Variants in TBXA2R observed in about 807,000 individuals in gnomAD.
TBXA2R encodes prostanoid TP receptor.
In TBXA2R, 15 loss-of-function variants were observed where a neutral mutation model predicts 15.6. The ratio of observed to expected loss-of-function variants is 0.96; its 90% CI spans 0.64 to 1.48. The LOEUF is 1.48. Ranked by LOEUF, TBXA2R falls within the 40% of genes most tolerant of loss-of-function variation. TBXA2R has a pLI of 0.00. For missense variants in TBXA2R, 506 were observed against 491.4 expected, an observed-to-expected ratio of 1.03 and a Z score of -0.28; for synonymous variants, 280 against 241.2, an observed-to-expected ratio of 1.16 and a Z score of -1.49.
In TBXA2R at chr19:3,600,205, C is replaced by G; in HGVS notation, c.430G>C (p.Ala144Pro). 6.2e-7 allele frequency: 1 copy of G among 1,600,194 alleles called. No homozygotes were observed. The highest frequency in any genetic ancestry group is 8.5e-7 in the Non-Finnish European group (1 of 1,174,470). The change falls in exon 2 of 3, where the codon GCC becomes CCC. Residue 144 changes from alanine (A) to proline (P), a missense_variant. Coordinates refer to ENST00000375190, the MANE Select transcript of TBXA2R (RefSeq NM_001060.6). Reference sequence around the variant, plus strand: ...GTGGCCCAGGCGCGGCGCTGCGAGGCGACCGCCGGGCGCGAGAAGGGCCGG... The same window carrying G: ...GTGGCCCAGGCGCGGCGCTGCGAGGGGACCGCCGGGCGCGAGAAGGGCCGG... Reference protein sequence around the residue: ...ITRPFSRPAVASQRRAWATVG... With the variant: ...ITRPFSRPAVPSQRRAWATVG...
intron 1 of TBXA2R, among the ~76,000 whole-genome samples, chr19:3,602,124 G>A (rs1178186637): frequency 6.6e-6 from 1 of 152,140 alleles, no homozygotes; most frequent in Non-Finnish European, 1.5e-5. Flanking sequence ...GGGAGGCTGA[G>A]GCAGGAGAAT....
chr19:3,600,787 T>C lies in TBXA2R; in HGVS notation c.-83-70A>G, dbSNP rs959223415. On this transcript the variant is annotated intron_variant, in intron 1 of 2. Coordinates refer to ENST00000375190, the MANE Select transcript of TBXA2R (RefSeq NM_001060.6). ...AGTGTAAGTAGCTCTGGTGAACTCCTACACAACCTTCAATGCCCCAGCTCA... is the reference window on the plus strand; with the variant it reads ...AGTGTAAGTAGCTCTGGTGAACTCCCACACAACCTTCAATGCCCCAGCTCA... 4 of 725,272 alleles carry C rather than the reference T, an allele frequency of 5.5e-6. No individual in the cohort carries two copies. The African/African-American group carries it at 7.3e-5, about 13-fold the overall frequency. 44.9% of individuals were successfully genotyped at this position (725,272 alleles called of 1,614,324 possible).
intron 2 of TBXA2R, among the ~76,000 whole-genome samples, chr19:3,597,758 C>T (rs1032363671): frequency 1.3e-5 from 2 of 151,890 alleles, no homozygotes; most frequent in Non-Finnish European, 2.9e-5. Context: ...CGATGAAACC[C>T]CGTCTCTACT....
chr19:3,606,082 G>A (rs1407326956), intron 1 of TBXA2R, among the ~76,000 whole-genome samples: 1 of 151,598 alleles, frequency 6.6e-6, no homozygotes, highest in African/African-American at 2.4e-5. Flanking sequence ...ACAAACACAC[G>A]GTCACACACA....
At chr19:3,601,141 G>A (rs1260423489) in intron 1 of TBXA2R, among the ~76,000 whole-genome samples, 2 of 152,002 alleles carry the variant, frequency 1.3e-5, no homozygotes, top group East Asian at 1.9e-4. Context: ...ACACTTCTTC[G>A]GAATGGCAGG....
Position 3,595,619 on chromosome 19 carries a change from A to C in TBXA2R, c.*69T>G. 4 of 1,495,626 alleles carry C rather than the reference A, an allele frequency of 2.7e-6. No individual in the cohort carries two copies. The highest frequency in any genetic ancestry group is 3.6e-6 in the Non-Finnish European group (4 of 1,117,350). 92.6% of individuals were successfully genotyped at this position (1,495,626 alleles called of 1,614,324 possible). A position where few individuals can be genotyped will look rare whatever the true frequency, so the allele number is the denominator to read the frequency against. On this transcript the variant is annotated 3_prime_UTR_variant, in exon 3 of 3. Transcript: ENST00000375190. ...CCCCCAGCCCCTGAATCCTCAGAAC[A>C]GGCAGATGGGCTGTCCGAGGGGCCA...
Position 3,595,499 on chromosome 19 carries a change from T to C in TBXA2R, c.*189A>G. ...GAAAAAGGGGCCGAGGAAGGGAGAG[T>C]GCTTGGTAAAAGGATCAGGGAGGAG... is the stretch of plus-strand genomic sequence containing the variant. On this transcript the variant is annotated 3_prime_UTR_variant, in exon 3 of 3. Coordinates refer to ENST00000375190, the MANE Select transcript of TBXA2R (RefSeq NM_001060.6). 1 of 1,413,572 alleles carries C rather than the reference T, an allele frequency of 7.1e-7. No individual in the cohort carries two copies. The highest frequency in any genetic ancestry group is 9.2e-7 in the Non-Finnish European group (1 of 1,088,190). 87.6% of individuals were successfully genotyped at this position (1,413,572 alleles called of 1,614,324 possible).
Position 3,595,633 on chromosome 19 carries a change from T to G in TBXA2R, c.*55A>C, listed in dbSNP as rs766386061. 5.2e-5 allele frequency: 79 copies of G among 1,511,920 alleles called. No homozygotes were observed. In the African/African-American group the frequency reaches 9.9e-4, roughly 19 times the overall value. The allele number at this position is 1,511,920 out of a possible 1,614,324, so 93.7% of individuals were successfully genotyped here. On this transcript the variant is annotated 3_prime_UTR_variant, in exon 3 of 3. Coordinates refer to ENST00000375190, the MANE Select transcript of TBXA2R (RefSeq NM_001060.6). The stretch of plus-strand genomic sequence containing the variant: ...ATCCTCAGAACAGGCAGATGGGCTG[T>G]CCGAGGGGCCAAGGGCTCCGCGGAA...
chr19:3,599,399 T>G (rs1361494063), intron 2 of TBXA2R, among the ~76,000 whole-genome samples: 13 of 151,624 alleles, frequency 8.6e-5, no homozygotes, highest in Admixed American at 7.9e-4. Flanking sequence ...GCGCAATCTC[T>G]GCTCACTGCA....
At chr19:3,597,655 G>A (rs953651389) in intron 2 of TBXA2R, among the ~76,000 whole-genome samples, 1 of 151,608 alleles carries the variant, frequency 6.6e-6, no homozygotes, top group Non-Finnish European at 1.5e-5. Flanking sequence ...TAATTTGGCC[G>A]GGTGCGGTGG....
rs1281935857 is a variant in TBXA2R at position 3,599,747 on chromosome 19, G to A, written c.786+102C>T. The A allele has an allele frequency of 8.6e-6, 13 of 1,511,002 alleles. No individual in the cohort carries two copies. In the East Asian group the frequency reaches 1.2e-4, roughly 14 times the overall value. The allele number at this position is 1,511,002 out of a possible 1,614,324, so 93.6% of individuals were successfully genotyped here. The stretch of plus-strand genomic sequence containing the variant: ...CTCCCAGAGTTCTGGGATTACCGGC[G>A]TGAGCCACCGCGCCCGGTCCCACCA... On this transcript the variant is annotated intron_variant, in intron 2 of 2. Coordinates refer to ENST00000375190, the MANE Select transcript of TBXA2R (RefSeq NM_001060.6).
In TBXA2R at chr19:3,595,641, G is replaced by A; in HGVS notation, c.*47C>T. On this transcript the variant is annotated 3_prime_UTR_variant, in exon 3 of 3. Transcript: ENST00000375190. The stretch of plus-strand genomic sequence containing the variant: ...AACAGGCAGATGGGCTGTCCGAGGG[G>A]CCAAGGGCTCCGCGGAAAGGCGCGG... The A allele has an allele frequency of 3.3e-6, 5 of 1,525,842 alleles. No homozygotes were observed. The highest frequency in any genetic ancestry group is 4.4e-6 in the Non-Finnish European group (5 of 1,132,072). The allele number at this position is 1,525,842 out of a possible 1,614,324, so 94.5% of individuals were successfully genotyped here.
intron 1 of TBXA2R, among the ~76,000 whole-genome samples, chr19:3,604,540 C>A (rs1434242034): frequency 6.6e-6 from 1 of 152,156 alleles, no homozygotes; most frequent in Non-Finnish European, 1.5e-5. Context: ...CAAGTCCCCT[C>A]TCCTCAGCAC....
Position 3,600,143 on chromosome 19 carries a change from G to A in TBXA2R, c.492C>T (p.Gly164=), listed in dbSNP as rs199654283. ...GLVWAAALAL[G]LLPLLGVGRY... ...GACCCACGCCCAGCAGGGGCAGCAG[G>A]CCCAGCGCCAGCGCGGCCGCCCACA... Residue 164 remains glycine (G), a synonymous_variant, in exon 2 of 3, where the codon GGC becomes GGT. Transcript: ENST00000375190. The A allele has an allele frequency of 1.6e-4, 251 of 1,609,094 alleles. 1 individual carries two copies. In the African/African-American group the frequency reaches 1.8e-3, roughly 11 times the overall value.
intron 2 of TBXA2R, among the ~76,000 whole-genome samples, chr19:3,599,176 G>A (rs1599871839): frequency 6.6e-6 from 1 of 151,516 alleles, no homozygotes; most frequent in Non-Finnish European, 1.5e-5. Flanking sequence ...TAATTTGGAG[G>A]CAGGGTCTCA....
rs199702743 is a variant in TBXA2R, at chr19:3,594,928, T to A, written c.*760A>T. On this transcript the variant is annotated 3_prime_UTR_variant, in exon 3 of 3. Transcript: ENST00000375190. ...AGGTCAAATTCAGGGTCAAAGAGCA[T>A]GCAAGGCCGGGCGCAGTGGCTTACG... The A allele has an allele frequency of 2.6e-6, 4 of 1,536,436 alleles. No homozygotes were observed. In the South Asian group the frequency reaches 4.8e-5, roughly 18 times the overall value.
intron 1 of TBXA2R, among the ~76,000 whole-genome samples, chr19:3,606,238 C>T (rs1469298274): frequency 6.6e-6 from 1 of 152,232 alleles, no homozygotes; most frequent in Non-Finnish European, 1.5e-5. Context: ...GGCTGCAGCC[C>T]CCTGAGTCTG....
rs371107117 is a variant in TBXA2R, at chr19:3,601,184, C to T, written c.-83-467G>A. ...GGGATGGTTGGTAGAGAGCAGCAGG[C>T]GGGGACCTGTTACTCTGTGTGGGGC... On this transcript the variant is annotated intron_variant, in intron 1 of 2. Transcript: ENST00000375190. Among the ~76,000 whole-genome samples, 27 of 152,172 alleles carry T rather than the reference C, an allele frequency of 1.8e-4. No individual in the cohort carries two copies. The East Asian group carries it at 3.1e-3, about 17-fold the overall frequency.
chr19:3,596,140 T>C (rs2032600453), intron 2 of TBXA2R, among the ~76,000 whole-genome samples: 1 of 152,122 alleles, frequency 6.6e-6, no homozygotes, highest in Non-Finnish European at 1.5e-5. Context: ...GCAATTCTCC[T>C]CCCTCAGCCT....
Sources: gnomAD v4.1 joint callset for allele counts (sites outside exome capture counted in the v4.1 genomes callset) on GRCh38, gnomAD v4.1.1 for gene constraint, MANE v1.5 for transcripts, NCBI Gene and HGNC (gene_info 2026-07-23, HGNC 2026-07-21) for gene names.